CREBBP: variants seen among roughly 807,000 people sequenced by gnomAD.
The protein encoded by CREBBP is CREB-binding protein.
CREBBP carries 19 observed loss-of-function variants against 265.0 expected under a neutral mutation model. That is an observed-to-expected ratio of 0.07 (90% CI 0.05 to 0.11). The LOEUF is 0.11. CREBBP is among the 10% of genes least tolerant of loss of function. The pLI is 1.00. For synonymous variants in CREBBP, 1,457 were observed against 1,223.7 expected (o/e 1.19, Z -3.98); for missense variants, 2,525 against 3,219.0 (o/e 0.78, Z 5.22).
At position 3,728,475 on chromosome 16, in the gene CREBBP, T is replaced by C. The variant is rs2051812588; in HGVS notation, c.6572A>G (p.Glu2191Gly). The C allele has an allele frequency of 6.2e-7, 1 of 1,613,956 alleles. No homozygotes were observed. The highest frequency in any genetic ancestry group is 1.7e-5 in the Admixed American group (1 of 60,018). ...CTGCAGCAGCTGCCTCCGTAACATT[T>C]CTCGGTACTGTGGATTCATACTCGC... ...NMASMNPQYR[E>G]MLRRQLLQQQ... is the part of the protein sequence containing the mutation. Residue 2191 changes from glutamate (E) to glycine (G), a missense_variant, in exon 31 of 31, where the codon GAA becomes GGA. Around this residue, in one of 19 missense-constraint regions of CREBBP, gnomAD observed 473 missense variants for 459.3 expected, o/e 1.03. Transcript: ENST00000262367. The surrounding 1 kb of genome is among the most constrained non-coding windows in gnomAD (Gnocchi z 8.7).
intron 8 of CREBBP, 45 bp downstream of exon 8, chr16:3,780,687 A>G: frequency 8.7e-6 from 14 of 1,607,796 alleles, no homozygotes; most frequent in Admixed American, 1.7e-5. Flanking sequence ...TGGGCAACAC[A>G]GGAATAAAAT....
intron 1 of CREBBP, among the ~76,000 whole-genome samples, chr16:3,871,526 T>C (rs1344603431): frequency 6.6e-6 from 1 of 152,260 alleles, no homozygotes; most frequent in African/African-American, 2.4e-5. Context: ...GATAAATTTC[T>C]ATAGCTCCTG....
chr16:3,780,770 A>G lies in CREBBP; in HGVS notation c.1785T>C (p.His595=). 6.2e-7 allele frequency: 1 copy of G among 1,614,102 alleles called. No individual in the cohort carries two copies. Among genetic ancestry groups the G allele is most frequent in the Non-Finnish European group, 8.5e-7 (1 of 1,180,030 alleles). Residue 595 remains histidine, a synonymous_variant, in exon 8 of 31, where the codon CAT becomes CAC. Transcript: ENST00000262367. ...GATGGCTCCGCAGGTCCTGAGTGACATGTTCGTGCCAGCCTTTCCTTACAC... is the reference window on the plus strand; with the variant it reads ...GATGGCTCCGCAGGTCCTGAGTGACGTGTTCGTGCCAGCCTTTCCTTACAC... ...STGVRKGWHE[H]VTQDLRSHLV...
intron 4 of CREBBP, among the ~76,000 whole-genome samples, chr16:3,792,875 A>G (rs1430191398): frequency 6.6e-6 from 1 of 152,246 alleles, no homozygotes; most frequent in Non-Finnish European, 1.5e-5. Context: ...GATACAGTGC[A>G]TAGTTCCCCA....
At chr16:3,739,114 C>T (rs2052140685) in intron 25 of CREBBP, among the ~76,000 whole-genome samples, 1 of 152,162 alleles carries the variant, frequency 6.6e-6, no homozygotes, top group Non-Finnish European at 1.5e-5. Flanking sequence ...AGTCACCAAC[C>T]CTGCTGCCAA....
At chr16:3,777,515 G>A in intron 11 of CREBBP, 98 bp downstream of exon 11, 5 of 1,253,000 alleles carry the variant, frequency 4.0e-6, no homozygotes, top group Non-Finnish European at 5.9e-6. Flanking sequence ...AAGAAGAAAG[G>A]GTTAGAAAGA....
At chr16:3,758,731 T>C (rs1195088796) in intron 17 of CREBBP, 123 bp downstream of exon 17, 6 of 823,890 alleles carry the variant, frequency 7.3e-6, no homozygotes, top group Admixed American at 2.0e-5. Flanking sequence ...ACAACAGTTT[T>C]TTATATTAGG....
At chr16:3,808,532 T>C (rs2053875992) in intron 3 of CREBBP, among the ~76,000 whole-genome samples, 1 of 152,230 alleles carries the variant, frequency 6.6e-6, no homozygotes. Context: ...GTGAAGGGAA[T>C]GAGCAGCCTC....
chr16:3,799,851 A>G (rs531970508), intron 3 of CREBBP, among the ~76,000 whole-genome samples: 1 of 152,246 alleles, frequency 6.6e-6, no homozygotes, highest in Non-Finnish European at 1.5e-5. Flanking sequence ...AAGGCAACGA[A>G]TTACTAACAA....
chr16:3,792,959 GC>G (rs2053536196), intron 4 of CREBBP, among the ~76,000 whole-genome samples: 1 of 152,248 alleles, frequency 6.6e-6, no homozygotes, highest in South Asian at 2.1e-4. Context: ...GAGGAGCAAG[GC>G]CGCAGGCCAC....
chr16:3,730,589 A>G (rs2051887716), intron 30 of CREBBP: 1 of 159,232 alleles, frequency 6.3e-6, no homozygotes, highest in South Asian at 1.8e-4. Context: ...GAAAGGTGGA[A>G]AGCGGAAGAA....
chr16:3,856,386 C>A (rs540939479), intron 1 of CREBBP, among the ~76,000 whole-genome samples: 16 of 152,330 alleles, frequency 1.1e-4, no homozygotes, highest in African/African-American at 3.8e-4. Context: ...AAGTTGCAGG[C>A]TCAATGCAGC....
chr16:3,769,675 A>G (rs1005439702), intron 14 of CREBBP, among the ~76,000 whole-genome samples: 1 of 152,176 alleles, frequency 6.6e-6, no homozygotes, highest in African/African-American at 2.4e-5. Flanking sequence ...TCCCTTCAAT[A>G]TGGTGGTTAA....
chr16:3,762,805 T>G (rs2052754120), intron 16 of CREBBP, among the ~76,000 whole-genome samples: 1 of 148,578 alleles, frequency 6.7e-6, no homozygotes, highest in Non-Finnish European at 1.5e-5. Flanking sequence ...GACGGAGTCT[T>G]GCTCTGTCGC....
rs761679898 is a variant in CREBBP at position 3,880,039 on chromosome 16, C to A, written c.-123G>T. ...CGAGCGCGGGCCGCGAGCGGGCGGG[C>A]GGGCGCCGAGGGAGAGGGAGGGCGC... On this transcript the variant is annotated 5_prime_UTR_variant, in exon 1 of 31. Transcript: ENST00000262367. The A allele has an allele frequency of 1.1e-5, 9 of 797,692 alleles. 1 individual carries two copies. In the South Asian group the frequency reaches 4.6e-4, roughly 41 times the overall value. 49.4% of individuals were successfully genotyped at this position (797,692 alleles called of 1,614,324 possible).
chr16:3,763,524 G>C (rs938799266), intron 16 of CREBBP, among the ~76,000 whole-genome samples: 1 of 151,076 alleles, frequency 6.6e-6, no homozygotes, highest in African/African-American at 2.4e-5. Context: ...GCAATGGCAC[G>C]ATCTCAGCTC....
At position 3,879,993 on chromosome 16, in the gene CREBBP, G is replaced by GACGGGGGT; in HGVS notation, c.-78_-77insACCCCCGT. On this transcript the variant is annotated 5_prime_UTR_variant, in exon 1 of 31. Coordinates refer to ENST00000262367, the MANE Select transcript of CREBBP (RefSeq NM_004380.3). ...GGCCCGGACGGGGGTCGGGGGCCCT[G>GACGGGGGT]CCGGCTGCGAGGGAGAGGAGCGAGC... The GACGGGGGT allele has an allele frequency of 7.0e-7, 1 of 1,429,644 alleles. No homozygotes were observed. The highest frequency in any genetic ancestry group is 9.5e-7 in the Non-Finnish European group (1 of 1,051,388). The allele number at this position is 1,429,644 out of a possible 1,614,324, so 88.6% of individuals were successfully genotyped here. A position where few individuals can be genotyped will look rare whatever the true frequency, so the allele number is the denominator to read the frequency against.
At chr16:3,878,250 G>A (rs559777986) in intron 1 of CREBBP, among the ~76,000 whole-genome samples, 1 of 152,332 alleles carries the variant, frequency 6.6e-6, no homozygotes, top group South Asian at 2.1e-4. Context: ...AACACAGCAA[G>A]ATTAATGAAG....
rs752360044 is a variant in CREBBP at position 3,736,266 on chromosome 16, G to A, written c.4561-63C>T. 110 of 1,533,850 alleles carry A rather than the reference G, an allele frequency of 7.2e-5. No homozygotes were observed. In the Admixed American group the frequency reaches 1.4e-3, roughly 19 times the overall value. On this transcript the variant is annotated intron_variant, in intron 27 of 30. Coordinates refer to ENST00000262367, the MANE Select transcript of CREBBP (RefSeq NM_004380.3). ...GCACGCGTGCCCCCCACCATGGTGC[G>A]ACAGACCCCCACGCAAGCGTGCCCC... is the stretch of plus-strand genomic sequence containing the variant.
Sources: allele counts gnomAD v4.1 joint callset (sites outside exome capture counted in the v4.1 genomes callset), GRCh38; gene constraint gnomAD v4.1.1; regional missense constraint gnomAD v4.1.1; non-coding constraint Gnocchi (gnomAD v3.1); transcripts MANE v1.5; gene names NCBI Gene and HGNC (gene_info 2026-07-23, HGNC 2026-07-21).